The following PPP2R2B variants were observed in gnomAD, a reference collection of about 807,000 sequenced individuals.
PPP2R2B encodes protein phosphatase 2 regulatory subunit Bbeta, also known as serine/threonine-protein phosphatase 2A 55 kDa regulatory subunit B beta isoform.
In PPP2R2B, 5 loss-of-function variants were observed where a neutral mutation model predicts 46.0. The observed-to-expected ratio is 0.11, with a 90% confidence interval of 0.06 to 0.23. PPP2R2B has a LOEUF of 0.23. PPP2R2B is among the 10% of genes least tolerant of loss of function. The probability of loss-of-function intolerance (pLI) is 1.00; values close to 1 mark genes in which losing one functional copy is unlikely to be tolerated. For synonymous variants in PPP2R2B, 215 were observed against 206.7 expected, an observed-to-expected ratio of 1.04 and a Z score of -0.34; for missense variants, 367 against 575.0, an observed-to-expected ratio of 0.64 and a Z score of 3.70.
chr5:146,881,733 CT>C (rs566635475), upstream of PPP2R2B, among the ~76,000 whole-genome samples: 135 of 152,254 alleles, frequency 8.9e-4, no homozygotes, highest in African/African-American at 3.0e-3. Flanking sequence ...TTTCTATTGA[CT>C]AACTGTCACT....
upstream of PPP2R2B, among the ~76,000 whole-genome samples, chr5:146,880,922 T>A (rs547832598): frequency 1.1e-4 from 16 of 152,332 alleles, no homozygotes; most frequent in East Asian, 3.1e-3. Context: ...GGCCAACTAC[T>A]CTTTTCTAAT....
intron 1 of PPP2R2B, among the ~76,000 whole-genome samples, chr5:147,017,615 A>AAAAT (rs1294173226): frequency 6.6e-6 from 1 of 151,614 alleles, no homozygotes; most frequent in African/African-American, 2.4e-5. Context: ...AAATCAAATG[A>AAAAT]AAATAAATTT....
At chr5:147,034,576 A>G (rs1755948330) in intron 1 of PPP2R2B, among the ~76,000 whole-genome samples, 1 of 152,182 alleles carries the variant, frequency 6.6e-6, no homozygotes, top group Non-Finnish European at 1.5e-5. Flanking sequence ...CTTTACTTAA[A>G]GGGAAATAAG....
At chr5:146,592,899 A>C (rs1288661598) in intron 9 of PPP2R2B, 72 bp downstream of exon 9, 1 of 1,451,352 alleles carries the variant, frequency 6.9e-7, no homozygotes, top group Non-Finnish European at 9.7e-7. Context: ...GCTGTACTCT[A>C]CTTAGGATAA....
At chr5:146,769,921 C>T (rs1027959923) in intron 2 of PPP2R2B, among the ~76,000 whole-genome samples, 1 of 151,838 alleles carries the variant, frequency 6.6e-6, no homozygotes, top group African/African-American at 2.4e-5. Context: ...TATTCTAGTT[C>T]TAAAAATTAA....
chr5:146,844,095 T>A (rs1430852998), intron 2 of PPP2R2B, among the ~76,000 whole-genome samples: 1 of 150,704 alleles, frequency 6.6e-6, no homozygotes, highest in East Asian at 2.0e-4. Flanking sequence ...CAGTAAACTA[T>A]CGCAAGAACA....
At chr5:146,949,667 A>G (rs901035770) in intron 1 of PPP2R2B, among the ~76,000 whole-genome samples, 7 of 152,092 alleles carry the variant, frequency 4.6e-5, no homozygotes, top group African/African-American at 1.7e-4. Flanking sequence ...TAGCAGGTAT[A>G]TCCCCAAAGA....
intron 1 of PPP2R2B, among the ~76,000 whole-genome samples, chr5:147,035,712 T>C (rs1756006151): frequency 6.6e-6 from 1 of 152,114 alleles, no homozygotes; most frequent in Admixed American, 6.6e-5. Flanking sequence ...AGAAAAATAG[T>C]TAAGAAAAAT....
At chr5:146,838,032 A>G (rs1759399083) in intron 2 of PPP2R2B, among the ~76,000 whole-genome samples, 1 of 152,168 alleles carries the variant, frequency 6.6e-6, no homozygotes, top group Non-Finnish European at 1.5e-5. Context: ...CTGTGTTCAT[A>G]TTCCTAACAG....
intron 2 of PPP2R2B, among the ~76,000 whole-genome samples, chr5:146,822,349 C>T (rs1169007871): frequency 1.3e-5 from 2 of 152,086 alleles, no homozygotes; most frequent in Non-Finnish European, 2.9e-5. Context: ...TTCATGGCCT[C>T]CAAGCCTCCA....
At position 146,696,270 on chromosome 5, in the gene PPP2R2B, A is replaced by G. The variant is rs1581897165; in HGVS notation, c.334+1709T>C. On this transcript the variant is annotated intron_variant, in intron 4 of 9. Transcript: ENST00000394411. The stretch of plus-strand genomic sequence containing the variant: ...AGGTGCCGGCCACCACACCCGGCTA[A>G]TTTTTTTGTATTTTTAGTAGGGACG... Among the ~76,000 whole-genome samples the G allele has an allele frequency of 2.6e-5, 4 of 152,046 alleles. No individual in the cohort carries two copies. In the South Asian group the frequency reaches 8.3e-4, roughly 32 times the overall value.
At chr5:146,664,144 G>A (rs1177175149) in intron 5 of PPP2R2B, among the ~76,000 whole-genome samples, 2 of 152,116 alleles carry the variant, frequency 1.3e-5, no homozygotes, top group African/African-American at 2.4e-5. Flanking sequence ...CTGGCTGGCT[G>A]TTGCAATTTT....
At chr5:146,749,700 G>A (rs371794130) in intron 2 of PPP2R2B, among the ~76,000 whole-genome samples, 5 of 142,656 alleles carry the variant, frequency 3.5e-5, no homozygotes, top group African/African-American at 5.2e-5. Context: ...CCAGGTTCAC[G>A]CCATTGTCCT....
rs113946293 is a variant in PPP2R2B, at chr5:146,733,159, G to A, written c.71-32017C>T. ...TAAATCAGTGGGAGGTGCTGTTCCC[G>A]CAATCTGGTTACTCATATTCTTCCC... On this transcript the variant is annotated intron_variant, in intron 2 of 9. Transcript: ENST00000394411. Among the ~76,000 whole-genome samples, 1,173 of 152,240 alleles carry A rather than the reference G, an allele frequency of 7.7e-3. 22 individuals carry two copies. Among genetic ancestry groups the A allele is most frequent in the African/African-American group, 0.027 (1,123 of 41,538 alleles).
intron 7 of PPP2R2B, among the ~76,000 whole-genome samples, chr5:146,615,778 T>C (rs1406838849): frequency 6.6e-6 from 1 of 152,146 alleles, no homozygotes; most frequent in Non-Finnish European, 1.5e-5. Flanking sequence ...TCCACATTCA[T>C]GAATTGGAAG....
intron 8 of PPP2R2B, among the ~76,000 whole-genome samples, chr5:146,599,786 T>C (rs948503530): frequency 5.9e-5 from 9 of 152,222 alleles, no homozygotes; most frequent in African/African-American, 2.2e-4. Context: ...CTCCTAATGC[T>C]AGTCCTCCCT....
intron 2 of PPP2R2B, among the ~76,000 whole-genome samples, chr5:146,724,791 T>C (rs1751747189): frequency 6.6e-6 from 1 of 152,144 alleles, no homozygotes; most frequent in South Asian, 2.1e-4. Context: ...CAAGTCTATC[T>C]GGGAGTTACA....
chr5:146,909,208 A>G (rs1763101230), intron 1 of PPP2R2B, among the ~76,000 whole-genome samples: 1 of 152,196 alleles, frequency 6.6e-6, no homozygotes, highest in African/African-American at 2.4e-5. Flanking sequence ...TAGGGGTTCC[A>G]TGGGGAGCTC....
chr5:147,027,160 G>A (rs920367304), intron 1 of PPP2R2B, among the ~76,000 whole-genome samples: 8 of 152,106 alleles, frequency 5.3e-5, no homozygotes, highest in African/African-American at 1.9e-4. Context: ...CATTTTGCTG[G>A]AATAAGTCAG....
Sources: gnomAD v4.1 joint callset for allele counts (sites outside exome capture counted in the v4.1 genomes callset) on GRCh38, gnomAD v4.1.1 for gene constraint, MANE v1.5 for transcripts, NCBI Gene and HGNC (gene_info 2026-07-23, HGNC 2026-07-21) for gene names.